NUBPL: variants seen among roughly 807,000 people sequenced by gnomAD.
NUBPL encodes the protein iron-sulfur cluster transfer protein NUBPL.
NUBPL carries 31 observed loss-of-function variants against 45.7 expected under a neutral mutation model. The observed-to-expected ratio is 0.68, with a 90% CI of 0.51 to 0.92. NUBPL has a LOEUF of 0.92. Among genes scored for constraint, NUBPL ranks in the 40% least tolerant of loss-of-function variants. The pLI is 0.00. For missense variants in NUBPL, 401 were observed against 398.7 expected (o/e 1.01, Z -0.05); for synonymous variants, 144 against 140.9 (o/e 1.02, Z -0.15).
At position 31,859,578 on chromosome 14, in the gene NUBPL, G is replaced by C. The variant is rs2040680057; in HGVS notation, c.*398G>C. The C allele has an allele frequency of 3.2e-6, 1 of 309,264 alleles. No homozygotes were observed. The highest frequency in any genetic ancestry group is 6.2e-6 in the Non-Finnish European group (1 of 160,368). The allele number at this position is 309,264 out of a possible 1,614,324, so 19.2% of individuals were successfully genotyped here. On this transcript the variant is annotated 3_prime_UTR_variant, in exon 11 of 11. Coordinates refer to ENST00000281081, the MANE Select transcript of NUBPL (RefSeq NM_025152.3). ...GCATAAGTATTACGCCTTCCCACCA[G>C]GCAATTTGGACTGTCTTTGAATCCT... is the stretch of plus-strand genomic sequence containing the variant.
At chr14:31,666,254 TATATATA>T (rs1566487127) in intron 4 of NUBPL, among the ~76,000 whole-genome samples, 10,434 of 52,480 alleles carry the variant, frequency 0.2, 1,154 homozygotes, top group African/African-American at 0.27. Context: ...TATATATATA[TATATATA>T]TAATTTTATT....
At chr14:31,571,456 GTCT>G (rs1170221974) in intron 3 of NUBPL, among the ~76,000 whole-genome samples, 52 of 144,294 alleles carry the variant, frequency 3.6e-4, no homozygotes, top group African/African-American at 1.1e-3. Context: ...CCAAGTGAGT[GTCT>G]TCTTCTTTTT....
chr14:31,601,817 G>A (rs962249556), intron 4 of NUBPL, among the ~76,000 whole-genome samples: 2 of 152,106 alleles, frequency 1.3e-5, no homozygotes, highest in African/African-American at 4.8e-5. Context: ...CAACCATTGT[G>A]GAAGTCAGTG....
chr14:31,600,014 T>C (rs529901448), intron 4 of NUBPL, among the ~76,000 whole-genome samples: 2 of 149,036 alleles, frequency 1.3e-5, no homozygotes, highest in African/African-American at 4.9e-5. Context: ...CTCTGCCTCC[T>C]GGGTTCAAGT....
At chr14:31,856,171 G>A (rs2040615155) in intron 10 of NUBPL, among the ~76,000 whole-genome samples, 1 of 152,138 alleles carries the variant, frequency 6.6e-6, no homozygotes, top group Admixed American at 6.5e-5. Context: ...GAAGGTGAAT[G>A]GCAAGGAGGA....
chr14:31,605,757 TCC>T (rs1188577728), intron 4 of NUBPL, among the ~76,000 whole-genome samples: 39 of 151,438 alleles, frequency 2.6e-4, no homozygotes, highest in African/African-American at 9.0e-4. Flanking sequence ...CCTTCCTTCC[TCC>T]TTCTCCTTCT....
At chr14:31,857,047 T>G (rs2040633797) in intron 10 of NUBPL, among the ~76,000 whole-genome samples, 1 of 152,202 alleles carries the variant, frequency 6.6e-6, no homozygotes, top group South Asian at 2.1e-4. Context: ...AGGTTCTTCG[T>G]AAGGACCTCG....
chr14:31,633,780 AC>A (rs369017328), intron 4 of NUBPL, among the ~76,000 whole-genome samples: 220 of 152,236 alleles, frequency 1.4e-3, no homozygotes, highest in Middle Eastern at 0.014. Flanking sequence ...CATGAGAATC[AC>A]CTAATTCTTT....
intron 7 of NUBPL, among the ~76,000 whole-genome samples, chr14:31,802,620 C>A (rs1197727792): frequency 6.6e-6 from 1 of 152,114 alleles, no homozygotes. Flanking sequence ...GGAAGGCTCT[C>A]CCCAGAAGTT....
chr14:31,740,121 G>A (rs113755213), intron 6 of NUBPL, among the ~76,000 whole-genome samples: 14 of 152,204 alleles, frequency 9.2e-5, no homozygotes, highest in Non-Finnish European at 2.1e-4. Flanking sequence ...AAACATTTGT[G>A]TGTAGGTTTC....
intron 6 of NUBPL, among the ~76,000 whole-genome samples, chr14:31,757,131 A>G (rs1470272019): frequency 1.8e-4 from 26 of 148,364 alleles, no homozygotes; most frequent in Admixed American, 1.2e-3. Context: ...TTTTGCATCA[A>G]TGTTCATCAA....
chr14:31,588,757 T>C (rs920338153), intron 3 of NUBPL, among the ~76,000 whole-genome samples: 3 of 150,746 alleles, frequency 2.0e-5, no homozygotes, highest in African/African-American at 7.3e-5. Flanking sequence ...CTACTAAAAA[T>C]ACAAAAAAAA....
chr14:31,749,370 C>T (rs2038471696), intron 6 of NUBPL, among the ~76,000 whole-genome samples: 1 of 152,186 alleles, frequency 6.6e-6, no homozygotes, highest in Non-Finnish European at 1.5e-5. Context: ...TGCCTTTAAG[C>T]ATTTGTTGTA....
intron 4 of NUBPL, among the ~76,000 whole-genome samples, chr14:31,668,936 C>T (rs1182756034): frequency 6.6e-6 from 1 of 152,206 alleles, no homozygotes; most frequent in African/African-American, 2.4e-5. Context: ...AATATCCTGC[C>T]TTCTGCATTG....
At chr14:31,801,853 T>C (rs979784436) in intron 7 of NUBPL, among the ~76,000 whole-genome samples, 2 of 152,170 alleles carry the variant, frequency 1.3e-5, no homozygotes, top group African/African-American at 4.8e-5. Context: ...AGCTAGACAG[T>C]CCTAGTGTAA....
intron 4 of NUBPL, among the ~76,000 whole-genome samples, chr14:31,607,653 A>C (rs1419761901): frequency 6.6e-6 from 1 of 152,018 alleles, no homozygotes; most frequent in Non-Finnish European, 1.5e-5. Flanking sequence ...GAATTAGTGA[A>C]CTTGAAGACA....
Position 31,787,880 on chromosome 14 carries a change from C to T in NUBPL, c.607+7C>T. ...CAGAATATTCCTATAACAGGTAAAT[C>T]TTCAAAGTTTAAAGTAATTTGTACT... On this transcript the variant is annotated splice_region_variant and intron_variant, in intron 7 of 10. Transcript: ENST00000281081. The T allele has an allele frequency of 6.3e-7, 1 of 1,582,072 alleles. No individual in the cohort carries two copies. Among genetic ancestry groups the T allele is most frequent in the Non-Finnish European group, 8.7e-7 (1 of 1,151,258 alleles).
intron 6 of NUBPL, among the ~76,000 whole-genome samples, chr14:31,684,584 C>G (rs1008321557): frequency 2.0e-5 from 3 of 152,164 alleles, no homozygotes; most frequent in Non-Finnish European, 4.4e-5. Flanking sequence ...GTTTTCTCCC[C>G]TCTGCCATGG....
At chr14:31,825,617 TCTCCTC>T (rs368736470) in intron 7 of NUBPL, among the ~76,000 whole-genome samples, 2 of 149,434 alleles carry the variant, frequency 1.3e-5, no homozygotes, top group South Asian at 2.2e-4. Flanking sequence ...TTCCTCTTCT[TCTCCTC>T]CTCCTCCTCC....
Sources: gnomAD v4.1 joint callset for allele counts (sites outside exome capture counted in the v4.1 genomes callset) on GRCh38, gnomAD v4.1.1 for gene constraint, MANE v1.5 for transcripts, NCBI Gene and HGNC (gene_info 2026-07-23, HGNC 2026-07-21) for gene names.